The following GNAI1 variants were observed in gnomAD, a reference collection of about 807,000 sequenced individuals.
GNAI1 encodes the protein G protein subunit alpha i1, also known as guanine nucleotide-binding protein G(i) subunit alpha-1.
In GNAI1, 11 loss-of-function variants were observed where a neutral mutation model predicts 38.9. The ratio of observed to expected loss-of-function variants is 0.28; its 90% confidence interval spans 0.18 to 0.47. The LOEUF (loss-of-function observed/expected upper bound fraction) is 0.47. Ranked by LOEUF, GNAI1 falls within the 20% of genes least tolerant of loss-of-function variation. GNAI1 has a pLI of 0.99. For synonymous variants in GNAI1, 166 were observed against 145.1 expected, an observed-to-expected ratio of 1.14 and a Z score of -1.04; for missense variants, 317 against 436.9, an observed-to-expected ratio of 0.73 and a Z score of 2.45.
chr7:80,156,517 C>T (rs777236016), intron 1 of GNAI1, among the ~76,000 whole-genome samples: 1 of 151,986 alleles, frequency 6.6e-6, no homozygotes, highest in Admixed American at 6.6e-5. Flanking sequence ...TAACCTCAGA[C>T]TCCTGACTCA....
At position 80,217,518 on chromosome 7, in the gene GNAI1, A is replaced by G; in HGVS notation, c.*25A>G. 7.2e-7 allele frequency: 1 copy of G among 1,396,058 alleles called. No homozygotes were observed. The highest frequency in any genetic ancestry group is 9.9e-7 in the Non-Finnish European group (1 of 1,005,720). The allele number at this position is 1,396,058 out of a possible 1,614,324, so 86.5% of individuals were successfully genotyped here. On this transcript the variant is annotated 3_prime_UTR_variant, in exon 8 of 8. Transcript: ENST00000649796. ...AGTTTTGCAGTTCATGGTAAAATGC[A>G]TTTTCAAACCAAATGAGTACTTATA...
chr7:80,168,590 G>A (rs1344829597), intron 1 of GNAI1, among the ~76,000 whole-genome samples: 1 of 152,060 alleles, frequency 6.6e-6, no homozygotes, highest in African/African-American at 2.4e-5. Context: ...GTTTCACCGT[G>A]TTAGCCAGGA....
chr7:80,201,120 C>G (rs1315443669), intron 4 of GNAI1, among the ~76,000 whole-genome samples: 1 of 152,124 alleles, frequency 6.6e-6, no homozygotes, highest in Non-Finnish European at 1.5e-5. Context: ...TGAATGAATT[C>G]ATAAACCAGA....
intron 1 of GNAI1, among the ~76,000 whole-genome samples, chr7:80,172,967 C>T (rs1788122326): frequency 6.6e-6 from 1 of 152,174 alleles, no homozygotes; most frequent in Admixed American, 6.6e-5. Flanking sequence ...CAGTGTCCTT[C>T]AGCATCTGTT....
chr7:80,153,797 A>G (rs972400879), intron 1 of GNAI1, among the ~76,000 whole-genome samples: 1 of 152,160 alleles, frequency 6.6e-6, no homozygotes, highest in Non-Finnish European at 1.5e-5. Context: ...CTTAATCTTT[A>G]TATCTTCTGT....
chr7:80,165,061 C>T (rs1345912397), intron 1 of GNAI1, among the ~76,000 whole-genome samples: 1 of 152,036 alleles, frequency 6.6e-6, no homozygotes, highest in Non-Finnish European at 1.5e-5. Context: ...GTATGTTCCA[C>T]CAAGACCGAA....
At chr7:80,213,038 G>A (rs1788900621) in intron 7 of GNAI1, among the ~76,000 whole-genome samples, 169 bp downstream of exon 7, 1 of 152,142 alleles carries the variant, frequency 6.6e-6, no homozygotes, top group Non-Finnish European at 1.5e-5. Context: ...TCCTTAAGAT[G>A]TAGATGAAAT....
intron 1 of GNAI1, among the ~76,000 whole-genome samples, chr7:80,148,188 C>T (rs1433875097): frequency 1.3e-5 from 2 of 152,148 alleles, no homozygotes; most frequent in Non-Finnish European, 2.9e-5. Flanking sequence ...CTATTTCAGA[C>T]TTTCAGAGCT....
At chr7:80,214,397 A>G (rs184186641) in intron 7 of GNAI1, among the ~76,000 whole-genome samples, 36 of 152,254 alleles carry the variant, frequency 2.4e-4, no homozygotes, top group African/African-American at 8.4e-4. Context: ...ATTTTGTACT[A>G]ATTCATAGTA....
Position 80,221,063 on chromosome 7 carries a change from T to C in GNAI1, c.*3570T>C, listed in dbSNP as rs1157493706. 6.6e-6 allele frequency among the ~76,000 whole-genome samples: 1 copy of C among 152,216 alleles called. No individual in the cohort carries two copies. Among genetic ancestry groups the C allele is most frequent in the Non-Finnish European group, 1.5e-5 (1 of 68,030 alleles). On this transcript the variant is annotated 3_prime_UTR_variant, in exon 8 of 8. Coordinates refer to ENST00000649796, the MANE Select transcript of GNAI1 (RefSeq NM_002069.6). ...ATGTAAATGAATTTAGTTGATACTG[T>C]AATCATTATTACAGATGGTAGCATC...
chr7:80,167,505 T>C (rs1016801779), intron 1 of GNAI1, among the ~76,000 whole-genome samples: 2 of 152,188 alleles, frequency 1.3e-5, no homozygotes, highest in Admixed American at 1.3e-4. Context: ...CCCTATAATA[T>C]TCCGAAACAA....
chr7:80,143,087 G>C (rs749840226), intron 1 of GNAI1, among the ~76,000 whole-genome samples: 16 of 152,182 alleles, frequency 1.1e-4, no homozygotes, highest in Non-Finnish European at 1.9e-4. Flanking sequence ...CTCACCAGCA[G>C]ACTGTTCTTT....
intron 4 of GNAI1, among the ~76,000 whole-genome samples, chr7:80,200,276 T>C (rs1213958003): frequency 8.0e-6 from 1 of 125,334 alleles, no homozygotes; most frequent in African/African-American, 3.2e-5. Context: ...CAGTGAGCCA[T>C]GCTCGTACCA....
chr7:80,143,921 T>C (rs13308055), intron 1 of GNAI1, among the ~76,000 whole-genome samples: 53,496 of 113,660 alleles, frequency 0.47, 9,515 homozygotes, highest in South Asian at 0.51. Context: ...TGTGTGTGTG[T>C]GCGCGCGTGT....
At chr7:80,143,126 A>G (rs551741537) in intron 1 of GNAI1, among the ~76,000 whole-genome samples, 2 of 152,306 alleles carry the variant, frequency 1.3e-5, no homozygotes, top group South Asian at 4.1e-4. Flanking sequence ...TGTGGTGAGG[A>G]TGATCACTAG....
At position 80,213,223 on chromosome 7, in the gene GNAI1, C is replaced by T. The variant is rs548541047; in HGVS notation, c.874+354C>T. On this transcript the variant is annotated intron_variant, in intron 7 of 7. Coordinates refer to ENST00000649796, the MANE Select transcript of GNAI1 (RefSeq NM_002069.6). ...CCATCTAATCTGAAAGACAGACATA[C>T]TTAAACAACAGGCAATAGCAGTGCA... Among the ~76,000 whole-genome samples, 43 of 152,188 alleles carry T rather than the reference C, an allele frequency of 2.8e-4. No individual in the cohort carries two copies. The South Asian group carries it at 7.5e-3, about 26-fold the overall frequency.
intron 1 of GNAI1, among the ~76,000 whole-genome samples, chr7:80,167,119 G>A (rs903988950): frequency 4.2e-4 from 64 of 152,306 alleles, no homozygotes; most frequent in African/African-American, 1.5e-3. Flanking sequence ...ACTTCTTAGA[G>A]TTGGAAAGAA....
At chr7:80,149,457 G>A (rs1013308674) in intron 1 of GNAI1, among the ~76,000 whole-genome samples, 1 of 152,100 alleles carries the variant, frequency 6.6e-6, no homozygotes, top group Non-Finnish European at 1.5e-5. Flanking sequence ...CCTACAGGAG[G>A]CATGTGAAGC....
rs750473253 is a variant in GNAI1, at chr7:80,135,154, C to T, written c.-7C>T. 26 of 1,494,914 alleles carry T rather than the reference C, an allele frequency of 1.7e-5. No individual in the cohort carries two copies. Among genetic ancestry groups the T allele is most frequent in the Non-Finnish European group, 2.3e-5 (26 of 1,119,464 alleles). The allele number at this position is 1,494,914 out of a possible 1,614,324, so 92.6% of individuals were successfully genotyped here. Reference sequence around the variant, plus strand: ...GGGAGCGGCGGCAGGCTCTCGCTTTCGGCACCATGGGCTGCACGCTGAGCG... The same window carrying T: ...GGGAGCGGCGGCAGGCTCTCGCTTTTGGCACCATGGGCTGCACGCTGAGCG... On this transcript the variant is annotated 5_prime_UTR_variant, in exon 1 of 8. Transcript: ENST00000649796.
Sources: gnomAD v4.1 joint callset for allele counts (sites outside exome capture counted in the v4.1 genomes callset) on GRCh38, gnomAD v4.1.1 for gene constraint, MANE v1.5 for transcripts, NCBI Gene and HGNC (gene_info 2026-07-23, HGNC 2026-07-21) for gene names.